Variants in NBN observed in about 807,000 individuals in gnomAD.
NBN encodes Nijmegen breakage syndrome 1 (nibrin).
Under a neutral mutation model 90.8 loss-of-function variants are expected in NBN, and 88 were observed. That is an observed-to-expected ratio of 0.97 (90% CI 0.82 to 1.16). NBN has a LOEUF of 1.16. NBN is among the 50% of genes most tolerant of loss of function. NBN has a pLI of 0.00. For missense variants in NBN, 894 were observed against 869.6 expected (o/e 1.03, Z -0.35); for synonymous variants, 328 against 295.1 (o/e 1.11, Z -1.14).
Position 89,947,813 on chromosome 8 carries a change from A to G in NBN, c.1914+11T>C. 6.6e-7 allele frequency: 1 copy of G among 1,516,600 alleles called. No homozygotes were observed. The highest frequency in any genetic ancestry group is 1.7e-4 in the Middle Eastern group (1 of 5,876). The allele number at this position is 1,516,600 out of a possible 1,614,324, so 93.9% of individuals were successfully genotyped here. ...CCAAATCTGTATAAAAATTAATAAAACGTTTCTCACAGATATTTCTTTAGC... is the reference window on the plus strand; with the variant it reads ...CCAAATCTGTATAAAAATTAATAAAGCGTTTCTCACAGATATTTCTTTAGC... On this transcript the variant is annotated intron_variant, in intron 12 of 15. Coordinates refer to ENST00000265433, the MANE Select transcript of NBN (RefSeq NM_002485.5).
At chr8:89,958,665 A>T in intron 9 of NBN, 60 bp downstream of exon 9, 3 of 1,566,026 alleles carry the variant, frequency 1.9e-6, no homozygotes, top group Non-Finnish European at 2.6e-6. Flanking sequence ...TTACTTCCTG[A>T]ATATACTATT....
At chr8:89,937,261 T>C (rs1809735869) in intron 14 of NBN, 186 bp from the exon 15 acceptor site, 2 of 601,586 alleles carry the variant, frequency 3.3e-6, no homozygotes, top group Non-Finnish European at 5.9e-6. Flanking sequence ...GCTAAGATTA[T>C]TACAAAAGAG....
chr8:89,949,581 T>C (rs1335600507), intron 11 of NBN, among the ~76,000 whole-genome samples: 1 of 152,160 alleles, frequency 6.6e-6, no homozygotes, highest in Non-Finnish European at 1.5e-5. Flanking sequence ...CTATCATTCG[T>C]ATAAGGATAA....
intron 8 of NBN, among the ~76,000 whole-genome samples, chr8:89,961,328 G>T (rs1288003961): frequency 6.6e-6 from 1 of 152,138 alleles, no homozygotes; most frequent in African/African-American, 2.4e-5. Context: ...AACAAGTACC[G>T]TGCTTGCTGC....
intron 7 of NBN, among the ~76,000 whole-genome samples, chr8:89,966,487 TACAG>T (rs2129801237): frequency 6.6e-6 from 1 of 152,274 alleles, no homozygotes; most frequent in South Asian, 2.1e-4. Context: ...TAGGAATAAA[TACAG>T]TAAGATATTC....
In NBN at chr8:89,982,769, T is replaced by G; in HGVS notation, c.124A>C (p.Ser42Arg). 1 of 1,614,052 alleles carries G rather than the reference T, an allele frequency of 6.2e-7. No individual in the cohort carries two copies. The highest frequency in any genetic ancestry group is 8.5e-7 in the Non-Finnish European group (1 of 1,179,936). ...GCAGTTAACACAGCATGATTTCGGCTGATCGACTGATCATTTTCAATCAGA... is the reference window on the plus strand; with the variant it reads ...GCAGTTAACACAGCATGATTTCGGCGGATCGACTGATCATTTTCAATCAGA... ...AILIENDQSI[S>R]RNHAVLTANF... The change falls in exon 2 of 16, where the codon AGC (serine) becomes CGC (arginine). Residue 42 changes from serine to arginine, a missense_variant. Physicochemically the swap from Ser to Arg is moderately radical, Grantham distance 110. Coordinates refer to ENST00000265433, the MANE Select transcript of NBN (RefSeq NM_002485.5).
intron 2 of NBN, 62 bp from the exon 3 acceptor site, chr8:89,981,585 A>G: frequency 6.4e-7 from 1 of 1,573,592 alleles, no homozygotes; most frequent in Non-Finnish European, 8.7e-7. Flanking sequence ...TCTCAGAGAA[A>G]AAGTTTTCAA....
chr8:89,972,695 T>C (rs149687934), intron 5 of NBN, among the ~76,000 whole-genome samples: 1 of 152,198 alleles, frequency 6.6e-6, no homozygotes, highest in East Asian at 1.9e-4. Flanking sequence ...AAAAGCCAAC[T>C]AACACTTTAC....
intron 14 of NBN, among the ~76,000 whole-genome samples, chr8:89,941,502 A>G (rs1010608764): frequency 2.6e-4 from 40 of 152,214 alleles, no homozygotes; most frequent in Non-Finnish European, 1.0e-4. Flanking sequence ...TTTCCTCCTT[A>G]ATATTAGACA....
chr8:89,961,970 G>A (rs770736162), intron 8 of NBN, among the ~76,000 whole-genome samples: 3 of 152,148 alleles, frequency 2.0e-5, no homozygotes, highest in Non-Finnish European at 4.4e-5. Context: ...AGCAGAAGCT[G>A]TAGAGTGAGA....
At chr8:89,964,308 T>A in intron 8 of NBN, 102 bp downstream of exon 8, 1 of 1,296,404 alleles carries the variant, frequency 7.7e-7, no homozygotes, top group Non-Finnish European at 1.1e-6. Context: ...TAAAACATGG[T>A]GAATATGGTC....
At position 89,970,520 on chromosome 8, in the gene NBN, C is replaced by T; in HGVS notation, c.740G>A (p.Gly247Glu). ...CTCTTCTGTTATCAACCTAGCTTCCCCACCTCCAAAGACAACTGCGGAACT... is the reference window on the plus strand; with the variant it reads ...CTCTTCTGTTATCAACCTAGCTTCCTCACCTCCAAAGACAACTGCGGAACT... ...KLSSAVVFGG[G>E]EARLITEENE... The change falls in exon 7 of 16, where the codon GGG becomes GAG. Residue 247 changes from glycine (G) to glutamate (E), a missense_variant. Coordinates refer to ENST00000265433, the MANE Select transcript of NBN (RefSeq NM_002485.5). The T allele has an allele frequency of 6.2e-7, 1 of 1,613,852 alleles. No individual in the cohort carries two copies. The highest frequency in any genetic ancestry group is 8.5e-7 in the Non-Finnish European group (1 of 1,179,840).
chr8:89,949,522 A>G (rs1337153224), intron 11 of NBN, among the ~76,000 whole-genome samples: 2 of 152,182 alleles, frequency 1.3e-5, no homozygotes, highest in Admixed American at 1.3e-4. Context: ...TCAGTTTTGC[A>G]TTTTATAGAG....
chr8:89,937,833 A>C (rs1449171324), intron 14 of NBN, among the ~76,000 whole-genome samples: 1 of 152,132 alleles, frequency 6.6e-6, no homozygotes, highest in Non-Finnish European at 1.5e-5. Flanking sequence ...AAAAAGAAAA[A>C]AGCAAAACCA....
chr8:89,978,362 G>A (rs200034959), intron 4 of NBN, 39 bp from the exon 5 acceptor site: 1 of 1,539,574 alleles, frequency 6.5e-7, no homozygotes, highest in Admixed American at 1.7e-5. Flanking sequence ...ATATTCACAT[G>A]CTAGCATTTT....
In NBN at chr8:89,984,593, G is replaced by A. The variant is rs1812247832; in HGVS notation, c.-32C>T. Reference sequence around the variant, plus strand: ...GGCTCCTCAGGGCTGGGGCCGACGTGCAACCGCGTAACCGGGGCTGCTAGA... The same window carrying A: ...GGCTCCTCAGGGCTGGGGCCGACGTACAACCGCGTAACCGGGGCTGCTAGA... On this transcript the variant is annotated 5_prime_UTR_variant, in exon 1 of 16. Coordinates refer to ENST00000265433, the MANE Select transcript of NBN (RefSeq NM_002485.5). 1 of 1,611,616 alleles carries A rather than the reference G, an allele frequency of 6.2e-7. No homozygotes were observed. The highest frequency in any genetic ancestry group is 8.5e-7 in the Non-Finnish European group (1 of 1,179,330).
chr8:89,981,996 T>C, intron 2 of NBN: 2 of 1,187,632 alleles, frequency 1.7e-6, no homozygotes, highest in Non-Finnish European at 2.2e-6. Context: ...AAAATGTTTT[T>C]CTATACCTAA....
At chr8:89,971,036 T>C in intron 6 of NBN, 137 bp downstream of exon 6, 1 of 888,660 alleles carries the variant, frequency 1.1e-6, no homozygotes, top group Admixed American at 2.6e-5. Flanking sequence ...GTCTGGTGCC[T>C]GGGGTTTTTT....
intron 8 of NBN, 51 bp downstream of exon 8, chr8:89,964,359 G>A (rs757217130): frequency 4.1e-5 from 65 of 1,596,796 alleles, no homozygotes; most frequent in Non-Finnish European, 4.9e-5. Context: ...TTAGCTTATC[G>A]ATTTACATAA....
Sources: gnomAD v4.1 joint callset for allele counts (sites outside exome capture counted in the v4.1 genomes callset) on GRCh38, gnomAD v4.1.1 for gene constraint, MANE v1.5 for transcripts, NCBI Gene and HGNC (gene_info 2026-07-23, HGNC 2026-07-21) for gene names.